TMPRSS6: variants seen among roughly 807,000 people sequenced by gnomAD.
TMPRSS6 encodes the protein transmembrane serine protease 6.
TMPRSS6 carries 67 observed loss-of-function variants against 101.5 expected under a neutral mutation model. The ratio of observed to expected loss-of-function variants is 0.66; its 90% confidence interval spans 0.54 to 0.81. TMPRSS6 has a LOEUF of 0.81. TMPRSS6 is among the 30% of genes least tolerant of loss of function. The pLI, the probability that TMPRSS6 is intolerant of heterozygous loss-of-function variation, is 0.00. For missense variants in TMPRSS6, 1,034 were observed against 1,088.7 expected, an observed-to-expected ratio of 0.95 and a Z score of 0.71; for synonymous variants, 453 against 464.9, an observed-to-expected ratio of 0.97 and a Z score of 0.33.
chr22:37,097,619 C>T (rs994670941), intron 3 of TMPRSS6, among the ~76,000 whole-genome samples: 9 of 152,218 alleles, frequency 5.9e-5, no homozygotes, highest in African/African-American at 1.2e-4. Context: ...GACCAGCCTC[C>T]GTGCAGTGAG....
At chr22:37,089,987 C>T (rs925338898) in intron 6 of TMPRSS6, among the ~76,000 whole-genome samples, 5 of 152,252 alleles carry the variant, frequency 3.3e-5, no homozygotes, top group Non-Finnish European at 5.9e-5. Context: ...TTCAGTCATT[C>T]ACTCATGGAA....
intron 3 of TMPRSS6, among the ~76,000 whole-genome samples, chr22:37,097,203 G>A (rs1450635448): frequency 2.0e-5 from 3 of 152,236 alleles, no homozygotes; most frequent in African/African-American, 4.8e-5. Flanking sequence ...CTGCAGCCGG[G>A]TCCTGTTGTT....
chr22:37,086,770 G>A (rs543806814), intron 7 of TMPRSS6, among the ~76,000 whole-genome samples: 90 of 152,124 alleles, frequency 5.9e-4, no homozygotes, highest in African/African-American at 1.8e-3. Flanking sequence ...GACCCCTAGC[G>A]TCCCTGGCAG....
chr22:37,089,404 C>T (rs1452295004), intron 7 of TMPRSS6, among the ~76,000 whole-genome samples, 174 bp downstream of exon 7: 1 of 152,088 alleles, frequency 6.6e-6, no homozygotes, highest in East Asian at 1.9e-4. Flanking sequence ...CAGTACACAA[C>T]CATCTCCAGC....
At chr22:37,076,077 GAA>G (rs941042029) in intron 10 of TMPRSS6, among the ~76,000 whole-genome samples, 3 of 148,952 alleles carry the variant, frequency 2.0e-5, no homozygotes, top group Non-Finnish European at 1.5e-5. Flanking sequence ...GAAAAGAAAA[GAA>G]AGAAAGAGAA....
intron 10 of TMPRSS6, among the ~76,000 whole-genome samples, chr22:37,075,944 G>C (rs1423210154): frequency 6.9e-6 from 1 of 144,870 alleles, no homozygotes; most frequent in Non-Finnish European, 1.5e-5. Flanking sequence ...GAAGGAGGGA[G>C]GGAAAGAAGG....
chr22:37,083,798 G>C (rs765266330), intron 10 of TMPRSS6: 3 of 253,038 alleles, frequency 1.2e-5, no homozygotes, highest in Non-Finnish European at 2.3e-5. Flanking sequence ...GGGGATTCGG[G>C]GGATCCAGGG....
At chr22:37,083,218 T>G (rs1448696188) in intron 10 of TMPRSS6, 1 of 378,078 alleles carries the variant, frequency 2.6e-6, no homozygotes, top group East Asian at 7.6e-5. Context: ...TTCCTGACGC[T>G]GACACGATGA....
intron 10 of TMPRSS6, among the ~76,000 whole-genome samples, chr22:37,077,053 A>C (rs535027770): frequency 5.3e-5 from 8 of 152,352 alleles, no homozygotes; most frequent in African/African-American, 1.9e-4. Flanking sequence ...GAACAGCTGA[A>C]GATGAGCTTT....
At chr22:37,097,388 T>C (rs995185312) in intron 3 of TMPRSS6, among the ~76,000 whole-genome samples, 5 of 152,212 alleles carry the variant, frequency 3.3e-5, no homozygotes, top group Admixed American at 1.3e-4. Context: ...GAATGCGCAG[T>C]GTAGAGCTGA....
intron 13 of TMPRSS6, among the ~76,000 whole-genome samples, chr22:37,072,438 T>TA (rs1927106880): frequency 8.4e-6 from 1 of 119,602 alleles, no homozygotes. Context: ...GATTGATGGA[T>TA]GATGGATGGA....
rs759059787 is a variant in TMPRSS6 at position 37,071,031 on chromosome 22, C to T, written c.1557G>A (p.Gly519=). ...NGSDEEQCQE[G]VPCGTFTFQC... Reference sequence around the variant, plus strand: ...GGAAGGTGAATGTCCCACATGGCACCCCTGGGACAGAGGGGATGGGGGCAG... The same window carrying T: ...GGAAGGTGAATGTCCCACATGGCACTCCTGGGACAGAGGGGATGGGGGCAG... The change falls in exon 14 of 18, where the codon GGG becomes GGA. Residue 519 remains glycine (G), a splice_region_variant and synonymous_variant. Transcript: ENST00000676104. 1 of 1,611,364 alleles carries T rather than the reference C, an allele frequency of 6.2e-7. No homozygotes were observed. Among genetic ancestry groups the T allele is most frequent in the Non-Finnish European group, 8.5e-7 (1 of 1,179,234 alleles).
chr22:37,070,113 C>A (rs1179100194), intron 15 of TMPRSS6, among the ~76,000 whole-genome samples: 3 of 152,168 alleles, frequency 2.0e-5, no homozygotes, highest in Non-Finnish European at 4.4e-5. Flanking sequence ...TCGTGTCACA[C>A]CTCGGGGAGT....
At chr22:37,076,592 C>T (rs1927695215) in intron 10 of TMPRSS6, among the ~76,000 whole-genome samples, 1 of 152,184 alleles carries the variant, frequency 6.6e-6, no homozygotes, top group African/African-American at 2.4e-5. Flanking sequence ...GAGTCCGGTG[C>T]ACCTCACCCC....
chr22:37,066,132 A>G lies in TMPRSS6; in HGVS notation c.2357T>C (p.Val786Ala). The G allele has an allele frequency of 6.2e-7, 1 of 1,613,464 alleles. No individual in the cohort carries two copies. The highest frequency in any genetic ancestry group is 1.1e-5 in the South Asian group (1 of 91,082). The stretch of plus-strand genomic sequence containing the variant: ...GATCACACCTGTGATGCGGGTGTAG[A>G]CGCCGAAGTAGTTAGGCCGGCCACA... ...LGCGRPNYFGVYTRITGVISW... is the reference protein window; with the variant it reads ...LGCGRPNYFGAYTRITGVISW... The change falls in exon 18 of 18, where the codon GTC (valine) becomes GCC (alanine). Residue 786 changes from valine (V) to alanine (A), a missense_variant. Val to Ala is a moderately conservative substitution (Grantham distance 64). Transcript: ENST00000676104.
intron 2 of TMPRSS6, 52 bp from the exon 3 acceptor site, chr22:37,098,601 T>C: frequency 1.2e-6 from 2 of 1,613,358 alleles, no homozygotes; most frequent in Admixed American, 1.7e-5. Context: ...TGGGAAAGTC[T>C]CCTGTCTCTT....
intron 1 of TMPRSS6, among the ~76,000 whole-genome samples, chr22:37,107,927 G>A (rs1287550777): frequency 6.6e-6 from 1 of 152,168 alleles, no homozygotes; most frequent in Admixed American, 6.5e-5. Context: ...TCTGTAAGCT[G>A]CATGAGAGCA....
At chr22:37,096,556 T>G in intron 4 of TMPRSS6, 92 bp downstream of exon 4, 3 of 1,369,656 alleles carry the variant, frequency 2.2e-6, no homozygotes, top group Non-Finnish European at 3.1e-6. Flanking sequence ...ATTTGAAACA[T>G]GAAGGCATTG....
intron 16 of TMPRSS6, among the ~76,000 whole-genome samples, chr22:37,067,484 GAAA>G (rs1926415423): frequency 1.3e-5 from 2 of 151,726 alleles, no homozygotes; most frequent in Admixed American, 1.3e-4. Context: ...ACAAAAAAAA[GAAA>G]AAAGAAAAAA....
Sources: allele counts gnomAD v4.1 joint callset (sites outside exome capture counted in the v4.1 genomes callset), GRCh38; gene constraint gnomAD v4.1.1; transcripts MANE v1.5; gene names NCBI Gene and HGNC (gene_info 2026-07-23, HGNC 2026-07-21).